Variants in CPVL observed in about 807,000 individuals in gnomAD.
The protein encoded by CPVL is carboxypeptidase vitellogenic like, also known as probable serine carboxypeptidase CPVL.
Under a neutral mutation model 63.7 loss-of-function variants are expected in CPVL, and 51 were observed. The observed-to-expected ratio is 0.80, with a 90% CI of 0.64 to 1.01. The LOEUF is 1.01. Ranked by LOEUF, CPVL falls within the 50% of genes least tolerant of loss-of-function variation. CPVL has a pLI of 0.00. For missense variants in CPVL, 530 were observed against 573.1 expected (o/e 0.92, Z 0.77); for synonymous variants, 195 against 206.0 (o/e 0.95, Z 0.46).
At chr7:29,050,428 T>C (rs1271792479) in intron 11 of CPVL, among the ~76,000 whole-genome samples, 5 of 151,758 alleles carry the variant, frequency 3.3e-5, no homozygotes, top group Non-Finnish European at 5.9e-5. Flanking sequence ...ATAAAATACT[T>C]AGGAATACAC....
intron 5 of CPVL, among the ~76,000 whole-genome samples, chr7:29,162,218 C>A (rs559299830): frequency 5.9e-5 from 9 of 152,256 alleles, no homozygotes; most frequent in African/African-American, 2.2e-4. Context: ...AAACTGTTCA[C>A]AAATGTATGT....
intron 7 of CPVL, among the ~76,000 whole-genome samples, chr7:29,085,412 T>C (rs1168191438): frequency 1.3e-5 from 2 of 152,106 alleles, no homozygotes; most frequent in African/African-American, 4.8e-5. Flanking sequence ...GAAATAACAA[T>C]CTGTGAATCC....
intron 5 of CPVL, among the ~76,000 whole-genome samples, chr7:29,160,550 A>G (rs1035614547): frequency 7.2e-5 from 11 of 152,196 alleles, no homozygotes; most frequent in Admixed American, 7.2e-4. Context: ...AAATATAATG[A>G]GAATTCTAAT....
intron 11 of CPVL, among the ~76,000 whole-genome samples, chr7:29,049,112 G>A (rs1482111650): frequency 6.6e-6 from 1 of 151,692 alleles, no homozygotes; most frequent in Non-Finnish European, 1.5e-5. Context: ...AGGAACTAGA[G>A]AAACAAGAAC....
At chr7:29,023,030 C>T (rs1787165681) in intron 12 of CPVL, among the ~76,000 whole-genome samples, 1 of 152,222 alleles carries the variant, frequency 6.6e-6, no homozygotes, top group African/African-American at 2.4e-5. Flanking sequence ...GGGACTGGCC[C>T]ACCAAGTTTG....
chr7:29,075,187 G>A (rs188517790), intron 7 of CPVL, among the ~76,000 whole-genome samples: 10 of 152,178 alleles, frequency 6.6e-5, no homozygotes, highest in East Asian at 1.9e-4. Context: ...CATGACAAAC[G>A]TAGGCTGAAA....
rs190661740 is a variant in CPVL at position 29,033,648 on chromosome 7, A to C, written c.1138-2889T>G. Among the ~76,000 whole-genome samples, 7 of 152,350 alleles carry C rather than the reference A, an allele frequency of 4.6e-5. No individual in the cohort carries two copies. The East Asian group carries it at 1.2e-3, about 25-fold the overall frequency. On this transcript the variant is annotated intron_variant, in intron 11 of 12. Transcript: ENST00000265394. ...GACAGAAGGGAGGAGACAGAGATGA[A>C]TGCAGCTTTTAGCTACACTTCCCTT...
At chr7:29,103,411 ATTT>A (rs551627609) in intron 3 of CPVL, among the ~76,000 whole-genome samples, 2 of 134,802 alleles carry the variant, frequency 1.5e-5, no homozygotes, top group African/African-American at 2.9e-5. Context: ...ATGCTCAGCT[ATTT>A]TTTTTTTTTT....
intron 11 of CPVL, among the ~76,000 whole-genome samples, chr7:29,036,065 A>G (rs1300202382): frequency 6.6e-6 from 1 of 152,212 alleles, no homozygotes; most frequent in Non-Finnish European, 1.5e-5. Flanking sequence ...CATGAATTCT[A>G]AGACCTATCC....
intron 5 of CPVL, among the ~76,000 whole-genome samples, chr7:29,166,504 A>G (rs1795937220): frequency 6.6e-6 from 1 of 152,118 alleles, no homozygotes; most frequent in Non-Finnish European, 1.5e-5. Context: ...GTTTCTAACT[A>G]TAATAGCTTT....
At chr7:29,056,295 A>G (rs184596584) in intron 11 of CPVL, among the ~76,000 whole-genome samples, 4 of 152,334 alleles carry the variant, frequency 2.6e-5, no homozygotes, top group Admixed American at 2.6e-4. Context: ...CCATTGAAGT[A>G]TCACACAGAA....
intron 5 of CPVL, among the ~76,000 whole-genome samples, chr7:29,169,614 C>G (rs886880556): frequency 6.6e-6 from 1 of 152,088 alleles, no homozygotes; most frequent in Non-Finnish European, 1.5e-5. Flanking sequence ...TTGGCTTTTT[C>G]TACCTATTCT....
intron 11 of CPVL, among the ~76,000 whole-genome samples, chr7:29,056,949 C>CT (rs70977101): frequency 0.6 from 70,783 of 118,022 alleles, 22,486 homozygotes; most frequent in Non-Finnish European, 0.64. Context: ...TTTTCCTTTT[C>CT]TTTTTTTTTT....
chr7:29,145,682 A>T (rs574924629), intron 1 of CPVL, among the ~76,000 whole-genome samples: 1 of 152,296 alleles, frequency 6.6e-6, no homozygotes, highest in Non-Finnish European at 1.5e-5. Context: ...TTCTATTTCC[A>T]ATAAAACAAT....
At position 29,096,224 on chromosome 7, in the gene CPVL, G is replaced by T; in HGVS notation, c.289-7C>A. The T allele has an allele frequency of 6.2e-7, 1 of 1,607,828 alleles. No homozygotes were observed. Among genetic ancestry groups the T allele is most frequent in the Non-Finnish European group, 8.5e-7 (1 of 1,174,346 alleles). The stretch of plus-strand genomic sequence containing the variant: ...GGGCATCTTCTGGCTGTATCTAGAG[G>T]AAACAGTAAAACCAGTGACCACACA... On this transcript the variant is annotated splice_region_variant and splice_polypyrimidine_tract_variant and intron_variant, in intron 3 of 12. Transcript: ENST00000265394.
intron 11 of CPVL, among the ~76,000 whole-genome samples, chr7:29,059,392 C>T (rs1562746208): frequency 6.6e-6 from 1 of 152,000 alleles, no homozygotes; most frequent in Non-Finnish European, 1.5e-5. Context: ...GCAAAGATAT[C>T]ATAAGAAAAA....
At chr7:29,089,607 C>T (rs1050141708) in intron 6 of CPVL, among the ~76,000 whole-genome samples, 4 of 152,148 alleles carry the variant, frequency 2.6e-5, no homozygotes, top group African/African-American at 9.7e-5. Context: ...ATTGTGATGG[C>T]AACACCCAGG....
chr7:29,152,474 C>T (rs920192543), intron 5 of CPVL, among the ~76,000 whole-genome samples: 17 of 152,168 alleles, frequency 1.1e-4, no homozygotes. Flanking sequence ...GTCATAACAA[C>T]TTACCCACTC....
intron 1 of CPVL, chr7:29,194,850 G>A: frequency 8.2e-7 from 1 of 1,215,142 alleles, no homozygotes; most frequent in Non-Finnish European, 1.1e-6. Flanking sequence ...CATGGGCTGG[G>A]GGCCGCGGAG....
Sources: allele counts gnomAD v4.1 joint callset (sites outside exome capture counted in the v4.1 genomes callset), GRCh38; gene constraint gnomAD v4.1.1; transcripts MANE v1.5; gene names NCBI Gene and HGNC (gene_info 2026-07-23, HGNC 2026-07-21).